PSD3: variants seen among roughly 807,000 people sequenced by gnomAD.
PSD3 encodes PH and SEC7 domain-containing protein 3.
PSD3 carries 49 observed loss-of-function variants against 105.5 expected under a neutral mutation model. That is an observed-to-expected ratio of 0.46 (90% CI 0.37 to 0.59). PSD3 has a LOEUF of 0.59. Among genes scored for constraint, PSD3 ranks in the 20% least tolerant of loss-of-function variants. PSD3 has a pLI of 0.00. For missense variants in PSD3, 1,561 were observed against 1,263.8 expected (o/e 1.24, Z -3.57); for synonymous variants, 557 against 457.8 (o/e 1.22, Z -2.77).
intron 1 of PSD3, among the ~76,000 whole-genome samples, chr8:18,961,584 C>T (rs967335076): frequency 6.6e-5 from 10 of 151,982 alleles, no homozygotes; most frequent in Non-Finnish European, 1.3e-4. Context: ...CAGCTACTCG[C>T]GAGGCTGAGG....
chr8:18,541,970 C>T (rs949740023), intron 15 of PSD3, among the ~76,000 whole-genome samples: 5 of 152,062 alleles, frequency 3.3e-5, no homozygotes, highest in African/African-American at 1.2e-4. Context: ...TCAGGCTGGT[C>T]TCAAACTCCT....
chr8:18,950,278 T>A (rs1289268473), intron 1 of PSD3, among the ~76,000 whole-genome samples: 1 of 152,232 alleles, frequency 6.6e-6, no homozygotes, highest in Non-Finnish European at 1.5e-5. Flanking sequence ...TTAAAAGTGG[T>A]TATTTTATTA....
intron 9 of PSD3, among the ~76,000 whole-genome samples, chr8:18,737,003 T>A (rs1357697016): frequency 2.0e-5 from 3 of 152,162 alleles, no homozygotes; most frequent in African/African-American, 7.2e-5. Context: ...AATCTCAGAA[T>A]TGTAGAATAT....
At chr8:18,556,067 T>C (rs1338688118) in intron 15 of PSD3, 142 bp downstream of exon 15, 1 of 925,268 alleles carries the variant, frequency 1.1e-6, no homozygotes, top group African/African-American at 1.7e-5. Context: ...GGGGCCACCA[T>C]GACCTTGCCA....
At chr8:18,714,345 C>T (rs1185272179) in intron 9 of PSD3, among the ~76,000 whole-genome samples, 1 of 151,662 alleles carries the variant, frequency 6.6e-6, no homozygotes, top group Non-Finnish European at 1.5e-5. Context: ...AACATTCAAC[C>T]CACAGAATGG....
chr8:18,914,813 T>C (rs1049089316), intron 2 of PSD3, among the ~76,000 whole-genome samples: 2 of 152,230 alleles, frequency 1.3e-5, no homozygotes, highest in African/African-American at 4.8e-5. Context: ...GTAACACTTA[T>C]AAATATTCTA....
At chr8:18,843,755 C>G (rs549307317) in intron 4 of PSD3, among the ~76,000 whole-genome samples, 1 of 152,096 alleles carries the variant, frequency 6.6e-6, no homozygotes, top group Non-Finnish European at 1.5e-5. Flanking sequence ...TATTCCAGTA[C>G]TGATGATGGT....
At chr8:19,057,273 A>G (rs1000944308) in intron 1 of PSD3, among the ~76,000 whole-genome samples, 1 of 152,158 alleles carries the variant, frequency 6.6e-6, no homozygotes, top group African/African-American at 2.4e-5. Flanking sequence ...GTTCACTCCA[A>G]GAGTGGTATA....
intron 2 of PSD3, among the ~76,000 whole-genome samples, chr8:18,905,458 G>A (rs1819780401): frequency 6.6e-6 from 1 of 152,030 alleles, no homozygotes; most frequent in African/African-American, 2.4e-5. Flanking sequence ...TGAGTAGCTG[G>A]GACTACAGGT....
At chr8:18,631,909 C>G (rs1806926946) in intron 11 of PSD3, among the ~76,000 whole-genome samples, 1 of 151,968 alleles carries the variant, frequency 6.6e-6, no homozygotes, top group Admixed American at 6.6e-5. Context: ...AACATGTCAC[C>G]TTATCTTACT....
At chr8:18,782,990 T>A (rs1372317519) in intron 8 of PSD3, among the ~76,000 whole-genome samples, 1 of 152,236 alleles carries the variant, frequency 6.6e-6, no homozygotes, top group Admixed American at 6.5e-5. Context: ...TTGTCTCATT[T>A]TGGTATCAGG....
chr8:18,533,294 T>G lies in PSD3; in HGVS notation c.*2449A>C, dbSNP rs1024335871. ...GCCCATGCGCTAAAGATGGACAGCA[T>G]CATGCTACGGCAGTCTGAGATCCTG... On this transcript the variant is annotated 3_prime_UTR_variant, in exon 16 of 16. Coordinates refer to ENST00000327040, the MANE Select transcript of PSD3 (RefSeq NM_015310.4). The G allele has an allele frequency of 6.6e-6, 1 of 152,216 alleles. No individual in the cohort carries two copies. The highest frequency in any genetic ancestry group is 1.9e-4 in the East Asian group (1 of 5,200). 9.4% of individuals were successfully genotyped at this position (152,216 alleles called of 1,614,324 possible).
chr8:18,867,976 C>G lies in PSD3; in HGVS notation c.1332G>C (p.Gln444His). 6.2e-7 allele frequency: 1 copy of G among 1,614,196 alleles called. No individual in the cohort carries two copies. The highest frequency in any genetic ancestry group is 1.1e-5 in the South Asian group (1 of 91,086). The change falls in exon 4 of 16, where the codon CAG (glutamine) becomes CAC (histidine). Residue 444 changes from glutamine to histidine, a missense_variant. By Grantham distance (24) the Gln-to-His change is conservative (BLOSUM62 0). Coordinates refer to ENST00000327040, the MANE Select transcript of PSD3 (RefSeq NM_015310.4). ...AAGTGTTGTCCAAAATGGTTTCAAA[C>G]TGGGAGCTGTACACGTCGGTGGAGT... ...TEDSTDVYSS[Q>H]FETILDNTSL...
chr8:18,910,600 C>T (rs13248104), intron 2 of PSD3, among the ~76,000 whole-genome samples: 2,586 of 116,858 alleles, frequency 0.022, 43 homozygotes, highest in Non-Finnish European at 0.033. Context: ...AACTAACCTG[C>T]ACAATGTGCA....
At chr8:18,562,007 G>T (rs1487651475) in intron 14 of PSD3, among the ~76,000 whole-genome samples, 1 of 152,200 alleles carries the variant, frequency 6.6e-6, no homozygotes, top group Non-Finnish European at 1.5e-5. Context: ...GAGAGAAGCT[G>T]TGAAAACTTA....
chr8:19,037,914 T>A (rs944972331), intron 1 of PSD3, among the ~76,000 whole-genome samples: 6 of 149,336 alleles, frequency 4.0e-5, no homozygotes, highest in Non-Finnish European at 8.9e-5. Flanking sequence ...ATATATATAA[T>A]CATATAGATT....
intron 12 of PSD3, among the ~76,000 whole-genome samples, chr8:18,586,028 C>T (rs1803161274): frequency 6.6e-6 from 1 of 151,990 alleles, no homozygotes; most frequent in Non-Finnish European, 1.5e-5. Flanking sequence ...AGAGCGATCC[C>T]CAGCCTAACA....
intron 15 of PSD3, among the ~76,000 whole-genome samples, chr8:18,552,665 GA>G (rs202166718): frequency 6.6e-6 from 1 of 152,100 alleles, no homozygotes; most frequent in Non-Finnish European, 1.5e-5. Context: ...GAATAAAATA[GA>G]AAAAAGTTAA....
chr8:19,076,605 G>T (rs1413494430), intron 1 of PSD3, among the ~76,000 whole-genome samples: 3 of 152,196 alleles, frequency 2.0e-5, no homozygotes, highest in Non-Finnish European at 4.4e-5. Context: ...ATTATGTTAT[G>T]TGTATGATGT....
Sources: allele counts gnomAD v4.1 joint callset (sites outside exome capture counted in the v4.1 genomes callset), GRCh38; gene constraint gnomAD v4.1.1; transcripts MANE v1.5; gene names NCBI Gene and HGNC (gene_info 2026-07-23, HGNC 2026-07-21).